The following KLHL2 variants were observed in gnomAD, a reference collection of about 807,000 sequenced individuals.
KLHL2 encodes kelch like family member 2, also known as kelch-like protein 2.
A neutral mutation model predicts 75.8 loss-of-function variants in KLHL2; 15 were observed. The observed-to-expected ratio is 0.20, with a 90% CI of 0.13 to 0.30. KLHL2 has a LOEUF of 0.30. Among genes scored for constraint, KLHL2 ranks in the 10% least tolerant of loss-of-function variants. The probability of loss-of-function intolerance (pLI) is 1.00; values close to 1 mark genes in which losing one functional copy is unlikely to be tolerated. For missense variants in KLHL2, 381 were observed against 741.0 expected (o/e 0.51, Z 5.64); for synonymous variants, 214 against 251.9 (o/e 0.85, Z 1.42).
chr4:165,218,774 C>CT (rs894510880), intron 1 of KLHL2, among the ~76,000 whole-genome samples: 1 of 152,180 alleles, frequency 6.6e-6, no homozygotes, highest in African/African-American at 2.4e-5. Context: ...ATGAATCATC[C>CT]TTTTAGAAAT....
Position 165,278,874 on chromosome 4 carries a change from C to G in KLHL2, c.545-15485C>G, listed in dbSNP as rs752614530. On this transcript the variant is annotated intron_variant, in intron 5 of 14. Coordinates refer to ENST00000226725, the MANE Select transcript of KLHL2 (RefSeq NM_007246.4). ...CCCACCAGTGCAGCAGACTGGTCCCCTAAACACCCAGATATTGGCACACCT... is the reference window on the plus strand; with the variant it reads ...CCCACCAGTGCAGCAGACTGGTCCCGTAAACACCCAGATATTGGCACACCT... The G allele has an allele frequency of 1.2e-4, 181 of 1,506,718 alleles. 1 individual carries two copies. Among genetic ancestry groups the G allele is most frequent in the Admixed American group, 6.8e-4 (41 of 59,902 alleles). The allele number at this position is 1,506,718 out of a possible 1,614,324, so 93.3% of individuals were successfully genotyped here. A position where few individuals can be genotyped will look rare whatever the true frequency, so the allele number is the denominator to read the frequency against.
chr4:165,303,042 G>A (rs1232268085), intron 8 of KLHL2, among the ~76,000 whole-genome samples: 1 of 152,122 alleles, frequency 6.6e-6, no homozygotes, highest in East Asian at 1.9e-4. Context: ...TTATGACACA[G>A]TCTCTTGGTT....
chr4:165,264,862 CTT>C (rs770253360), intron 5 of KLHL2, among the ~76,000 whole-genome samples: 1 of 149,374 alleles, frequency 6.7e-6, no homozygotes, highest in African/African-American at 2.5e-5. Context: ...ATCTGGGTGT[CTT>C]TTTGATTTAA....
intron 1 of KLHL2, among the ~76,000 whole-genome samples, chr4:165,214,472 T>A (rs190729805): frequency 6.6e-6 from 1 of 152,286 alleles, no homozygotes; most frequent in East Asian, 1.9e-4. Context: ...GTTCTGTTTG[T>A]CATGTAGGTG....
At chr4:165,222,214 T>A (rs1480989171) in intron 2 of KLHL2, among the ~76,000 whole-genome samples, 3 of 152,156 alleles carry the variant, frequency 2.0e-5, no homozygotes, top group Non-Finnish European at 2.9e-5. Flanking sequence ...TTATTTTACT[T>A]GTTTGAGCCT....
intron 4 of KLHL2, among the ~76,000 whole-genome samples, chr4:165,255,037 C>G (rs1741054645): frequency 1.3e-5 from 2 of 152,154 alleles, no homozygotes; most frequent in African/African-American, 2.4e-5. Context: ...TTCAATAACC[C>G]TGAAAGGTAG....
At chr4:165,245,661 C>T (rs148139893) in intron 4 of KLHL2, among the ~76,000 whole-genome samples, 2,752 of 152,214 alleles carry the variant, frequency 0.018, 30 homozygotes, top group Non-Finnish European at 0.029. Context: ...AGACTGTAAA[C>T]ACTGATATGG....
chr4:165,273,103 C>G (rs1225943487), intron 5 of KLHL2, among the ~76,000 whole-genome samples: 1 of 152,154 alleles, frequency 6.6e-6, no homozygotes, highest in Non-Finnish European at 1.5e-5. Context: ...TACTCATGAT[C>G]CAACTTCAAC....
chr4:165,293,444 T>TA (rs556810183), intron 5 of KLHL2, among the ~76,000 whole-genome samples: 8 of 152,080 alleles, frequency 5.3e-5, no homozygotes, highest in African/African-American at 1.4e-4. Context: ...TGATCCGAAA[T>TA]AAACTATTTA....
chr4:165,296,782 C>T (rs902628132), intron 6 of KLHL2, among the ~76,000 whole-genome samples: 2 of 152,004 alleles, frequency 1.3e-5, no homozygotes, highest in Admixed American at 6.6e-5. Context: ...GCACCTGGCA[C>T]GTAGAGACAC....
chr4:165,322,033 G>A lies in KLHL2; in HGVS notation c.1755G>A (p.Gly585=). The A allele has an allele frequency of 6.2e-7, 1 of 1,613,522 alleles. No individual in the cohort carries two copies. Among genetic ancestry groups the A allele is most frequent in the African/African-American group, 1.3e-5 (1 of 74,954 alleles). The change falls in exon 15 of 15, where the codon GGG becomes GGA. Residue 585 remains glycine (G), a splice_region_variant and synonymous_variant. Coordinates refer to ENST00000226725, the MANE Select transcript of KLHL2 (RefSeq NM_007246.4). ...SCMSTGRSYA[G]VTVIDKPL ...TTCTCTCTTCATTTCTTTGCTCAGG[G>A]GTCACAGTTATTGATAAACCATTAT...
intron 5 of KLHL2, chr4:165,278,472 T>C: frequency 6.3e-7 from 1 of 1,576,860 alleles, no homozygotes; most frequent in African/African-American, 1.3e-5. Context: ...GCAAAAGCAA[T>C]ATGGCATTTA....
At chr4:165,274,906 G>A (rs1461343027) in intron 5 of KLHL2, among the ~76,000 whole-genome samples, 4 of 150,272 alleles carry the variant, frequency 2.7e-5, no homozygotes, top group Non-Finnish European at 6.0e-5. Flanking sequence ...TGGAATCCAC[G>A]CTGCTCACCC....
Position 165,317,707 on chromosome 4 carries a change from C to A in KLHL2, c.1610-119C>A, listed in dbSNP as rs1746687961. On this transcript the variant is annotated intron_variant, in intron 13 of 14. Coordinates refer to ENST00000226725, the MANE Select transcript of KLHL2 (RefSeq NM_007246.4). ...ATTCTTTTCATGCTCACTATTTTCTCTTCTTGCCTCCTTTCAAAGAAATTA... is the reference window on the plus strand; with the variant it reads ...ATTCTTTTCATGCTCACTATTTTCTATTCTTGCCTCCTTTCAAAGAAATTA... 7 of 753,924 alleles carry A rather than the reference C, an allele frequency of 9.3e-6. No individual in the cohort carries two copies. The South Asian group carries it at 1.3e-4, about 15-fold the overall frequency. The allele number at this position is 753,924 out of a possible 1,614,324, so 46.7% of individuals were successfully genotyped here.
intron 2 of KLHL2, among the ~76,000 whole-genome samples, chr4:165,227,054 A>G (rs1459986298): frequency 1.3e-5 from 2 of 152,236 alleles, no homozygotes; most frequent in Admixed American, 6.5e-5. Flanking sequence ...ATGTGAACCC[A>G]TAGAATTCAT....
intron 8 of KLHL2, among the ~76,000 whole-genome samples, chr4:165,303,898 C>T (rs1745538166): frequency 2.0e-5 from 3 of 150,084 alleles, no homozygotes; most frequent in African/African-American, 7.4e-5. Context: ...GTTTGTGAGA[C>T]AGAGTCTCAC....
At chr4:165,276,869 A>G (rs537408651) in intron 5 of KLHL2, among the ~76,000 whole-genome samples, 16 of 152,330 alleles carry the variant, frequency 1.1e-4, no homozygotes, top group African/African-American at 3.6e-4. Context: ...TTAATTCAAA[A>G]GAAAACTATT....
At chr4:165,306,611 CT>C (rs1745747443) in intron 9 of KLHL2, among the ~76,000 whole-genome samples, 1 of 152,142 alleles carries the variant, frequency 6.6e-6, no homozygotes, top group Non-Finnish European at 1.5e-5. Flanking sequence ...CCTGACAGTA[CT>C]TTGTAATTAA....
At chr4:165,309,417 T>G (rs1745979817) in intron 9 of KLHL2, among the ~76,000 whole-genome samples, 1 of 152,158 alleles carries the variant, frequency 6.6e-6, no homozygotes. Context: ...GAAAAGATGG[T>G]TGAAACCTGA....
Sources: allele counts gnomAD v4.1 joint callset (sites outside exome capture counted in the v4.1 genomes callset), GRCh38; gene constraint gnomAD v4.1.1; transcripts MANE v1.5; gene names NCBI Gene and HGNC (gene_info 2026-07-23, HGNC 2026-07-21).